The following ALDH1L1 variants were observed in gnomAD, a reference collection of about 807,000 sequenced individuals.
The protein encoded by ALDH1L1 is aldehyde dehydrogenase 1 family member L1.
ALDH1L1 carries 68 observed loss-of-function variants against 101.1 expected under a neutral mutation model. The ratio of observed to expected loss-of-function variants is 0.67; its 90% CI spans 0.55 to 0.82. The LOEUF (loss-of-function observed/expected upper bound fraction) is 0.82. Ranked by LOEUF, ALDH1L1 falls within the 40% of genes least tolerant of loss-of-function variation. ALDH1L1 has a pLI of 0.00. For missense variants in ALDH1L1, 1,087 were observed against 1,172.7 expected (o/e 0.93, Z 1.07); for synonymous variants, 486 against 470.8 (o/e 1.03, Z -0.42).
intron 19 of ALDH1L1, among the ~76,000 whole-genome samples, chr3:126,111,511 C>G (rs1254057397): frequency 6.6e-6 from 1 of 152,236 alleles, no homozygotes; most frequent in South Asian, 2.1e-4. Flanking sequence ...CCACTGCTGC[C>G]CACAGAAACA....
chr3:126,186,891 A>G (rs1198114512), intron 1 of ALDH1L1, among the ~76,000 whole-genome samples: 2 of 152,200 alleles, frequency 1.3e-5, no homozygotes, highest in Admixed American at 6.5e-5. Flanking sequence ...TGCAGGGCAA[A>G]AAGAAGTGGT....
At chr3:126,111,360 G>A (rs911346368) in intron 19 of ALDH1L1, among the ~76,000 whole-genome samples, 3 of 152,242 alleles carry the variant, frequency 2.0e-5, no homozygotes, top group Admixed American at 1.3e-4. Flanking sequence ...CCCAGCACAC[G>A]CTGCAGAATG....
At chr3:126,159,125 GCTT>G (rs1219370749) in intron 2 of ALDH1L1, among the ~76,000 whole-genome samples, 1 of 152,166 alleles carries the variant, frequency 6.6e-6, no homozygotes, top group African/African-American at 2.4e-5. Flanking sequence ...CCCCAGCCCA[GCTT>G]CTTCATCCCA....
At chr3:126,151,225 G>T (rs1042244388) in intron 7 of ALDH1L1, 1 of 152,206 alleles carries the variant, frequency 6.6e-6, no homozygotes, top group Non-Finnish European at 1.5e-5. Flanking sequence ...AACTAATCTT[G>T]CAATCACCCA....
Position 126,155,511 on chromosome 3 carries a change from G to A in ALDH1L1, c.529-8C>T, listed in dbSNP as rs752132343. ...CAGCCTCACGGCCTGCACCTGGGGA[G>A]ATCCAGTGGGTTGCTATCCCCAGCA... On this transcript the variant is annotated splice_polypyrimidine_tract_variant and splice_region_variant and intron_variant, in intron 4 of 22. Coordinates refer to ENST00000393434, the MANE Select transcript of ALDH1L1 (RefSeq NM_012190.4). 1.2e-6 allele frequency: 2 copies of A among 1,605,572 alleles called. No individual in the cohort carries two copies. Among genetic ancestry groups the A allele is most frequent in the South Asian group, 2.2e-5 (2 of 89,242 alleles).
At chr3:126,153,045 G>A (rs948296611) in intron 7 of ALDH1L1, 24 of 316,074 alleles carry the variant, frequency 7.6e-5, no homozygotes, top group Middle Eastern at 1.1e-3. Context: ...GCCGTTCAAA[G>A]AGATGGGAGC....
Position 126,124,463 on chromosome 3 carries a change from G to T in ALDH1L1, c.1801-12C>A. 3.0e-5 allele frequency: 49 copies of T among 1,607,136 alleles called. No homozygotes were observed. The highest frequency in any genetic ancestry group is 4.2e-5 in the Non-Finnish European group (49 of 1,176,328). ...GTGAGTGGGGTCACCTGGGTGTGGG[G>T]CCAGGAAAGGAGACTGGGTAAGGAG... On this transcript the variant is annotated splice_polypyrimidine_tract_variant and intron_variant, in intron 15 of 22. Transcript: ENST00000393434.
chr3:126,124,224 T>A (rs1382391398), intron 16 of ALDH1L1, 140 bp downstream of exon 16: 9 of 696,908 alleles, frequency 1.3e-5, no homozygotes, highest in Non-Finnish European at 2.1e-5. Flanking sequence ...GGGAGGGGCC[T>A]CCTTTGTCAC....
chr3:126,193,989 C>T (rs2081567618), intron 1 of ALDH1L1, among the ~76,000 whole-genome samples: 2 of 152,162 alleles, frequency 1.3e-5, no homozygotes, highest in South Asian at 4.1e-4. Context: ...GGGTCCATTT[C>T]ATCCTTTCAT....
Position 126,158,467 on chromosome 3 carries a change from A to G in ALDH1L1, c.300T>C (p.His100=), listed in dbSNP as rs766351090. The change falls in exon 3 of 23, where the codon CAT becomes CAC. Residue 100 remains histidine (H), a synonymous_variant. Coordinates refer to ENST00000393434, the MANE Select transcript of ALDH1L1 (RefSeq NM_012190.4). ...GTGACGGGTGATAGATGATGGAGCC[A>G]TGCCGGGGGGCACTGATTATCTCCA... ...IPMEIISAPR[H]GSIIYHPSLL... The G allele has an allele frequency of 6.2e-7, 1 of 1,613,810 alleles. No homozygotes were observed. Among genetic ancestry groups the G allele is most frequent in the Non-Finnish European group, 8.5e-7 (1 of 1,179,830 alleles).
chr3:126,194,591 C>A, intron 1 of ALDH1L1, among the ~76,000 whole-genome samples: 1 of 152,040 alleles, frequency 6.6e-6, no homozygotes, highest in East Asian at 1.9e-4. Context: ...TTTCAATGTT[C>A]GATTTATGGA....
At chr3:126,157,872 C>T (rs1052810349) in intron 3 of ALDH1L1, among the ~76,000 whole-genome samples, 1 of 152,204 alleles carries the variant, frequency 6.6e-6, no homozygotes, top group African/African-American at 2.4e-5. Context: ...CTTTTCTCAA[C>T]TCAAATGTCT....
intron 3 of ALDH1L1, 121 bp from the exon 4 acceptor site, chr3:126,157,629 C>T: frequency 9.1e-7 from 1 of 1,102,616 alleles, no homozygotes. Context: ...GTAGGACTGA[C>T]ACCGGCTCCG....
intron 1 of ALDH1L1, among the ~76,000 whole-genome samples, chr3:126,174,983 T>C (rs892305260): frequency 6.6e-6 from 1 of 152,078 alleles, no homozygotes; most frequent in South Asian, 2.1e-4. Flanking sequence ...TGAATAAAAC[T>C]GAGACACCTC....
chr3:126,191,552 G>A (rs1052965500), intron 1 of ALDH1L1, among the ~76,000 whole-genome samples: 2 of 152,322 alleles, frequency 1.3e-5, no homozygotes, highest in East Asian at 3.9e-4. Flanking sequence ...CATGGTGCAG[G>A]TTCTGGTGCT....
rs888101591 is a variant in ALDH1L1, at chr3:126,196,353, A to G, written c.-24+1382T>C. Among the ~76,000 whole-genome samples the G allele has an allele frequency of 3.3e-5, 5 of 150,096 alleles. 1 individual carries two copies. The highest frequency in any genetic ancestry group is 1.2e-4 in the African/African-American group (5 of 40,772). On this transcript the variant is annotated intron_variant, in intron 1 of 2. Coordinates refer to the ALDH1L1 transcript ENST00000509952. ...TTTGAGAGGGATCTATCCATTTCCAATGCCTGGGATTCCATGAAGAAAACA... is the reference window on the plus strand; with the variant it reads ...TTTGAGAGGGATCTATCCATTTCCAGTGCCTGGGATTCCATGAAGAAAACA...
At chr3:126,138,008 G>A in intron 9 of ALDH1L1, 48 bp from the exon 10 acceptor site, 1 of 1,607,220 alleles carries the variant, frequency 6.2e-7, no homozygotes, top group Non-Finnish European at 8.5e-7. Context: ...GGCTCAGCAG[G>A]CCTGCATCGC....
At chr3:126,137,595 C>G (rs1396109419) in intron 10 of ALDH1L1, among the ~76,000 whole-genome samples, 1 of 152,204 alleles carries the variant, frequency 6.6e-6, no homozygotes, top group African/African-American at 2.4e-5. Flanking sequence ...TGGCCCATGT[C>G]CTGAGCATCA....
At chr3:126,186,428 TG>T (rs894580248), upstream of ALDH1L1, among the ~76,000 whole-genome samples, 5 of 152,022 alleles carry the variant, frequency 3.3e-5, no homozygotes, top group African/African-American at 1.2e-4. Context: ...TGGCACTGGT[TG>T]GGGAGCACAG....
Sources: allele counts gnomAD v4.1 joint callset (sites outside exome capture counted in the v4.1 genomes callset), GRCh38; gene constraint gnomAD v4.1.1; transcripts MANE v1.5; gene names NCBI Gene and HGNC (gene_info 2026-07-23, HGNC 2026-07-21).